PCDH15: variants seen among roughly 807,000 people sequenced by gnomAD.
The protein encoded by PCDH15 is protocadherin-15.
In PCDH15, 129 loss-of-function variants were observed where a neutral mutation model predicts 178.5. That is an observed-to-expected ratio of 0.72 (90% CI 0.63 to 0.84). The LOEUF (loss-of-function observed/expected upper bound fraction) is 0.84. Among genes scored for constraint, PCDH15 ranks in the 40% least tolerant of loss-of-function variants. The probability of loss-of-function intolerance (pLI) is 0.00; values close to 1 mark genes in which losing one functional copy is unlikely to be tolerated. For missense variants in PCDH15, 2,230 were observed against 2,099.9 expected, an observed-to-expected ratio of 1.06 and a Z score of -1.21; for synonymous variants, 800 against 732.0, an observed-to-expected ratio of 1.09 and a Z score of -1.50.
chr10:54,376,704 C>A (rs1589111616), intron 4 of PCDH15, among the ~76,000 whole-genome samples: 1 of 151,732 alleles, frequency 6.6e-6, no homozygotes, highest in East Asian at 1.9e-4. Flanking sequence ...CAAATATTTA[C>A]ATAATATTAT....
At chr10:54,479,735 C>A (rs1327750615) in intron 3 of PCDH15, among the ~76,000 whole-genome samples, 1 of 151,680 alleles carries the variant, frequency 6.6e-6, no homozygotes, top group African/African-American at 2.4e-5. Context: ...CGTTTCTGAA[C>A]AAAAATATCT....
chr10:55,402,274 C>T (rs1289211885), intron 2 of PCDH15, among the ~76,000 whole-genome samples: 2 of 151,950 alleles, frequency 1.3e-5, no homozygotes, highest in South Asian at 2.1e-4. Context: ...TTATGGGGTA[C>T]ATATATTTTG....
At chr10:54,693,191 G>T (rs2095159861) in intron 1 of PCDH15, among the ~76,000 whole-genome samples, 1 of 151,922 alleles carries the variant, frequency 6.6e-6, no homozygotes, top group African/African-American at 2.4e-5. Context: ...TTCTTAGGAT[G>T]ATATTTCTCC....
intron 2 of PCDH15, among the ~76,000 whole-genome samples, chr10:55,432,508 A>G (rs1156250743): frequency 1.4e-4 from 22 of 152,194 alleles, no homozygotes; most frequent in Admixed American, 1.4e-3. Context: ...TTTGGAGACT[A>G]TTACAAATAT....
At chr10:54,461,172 T>C (rs1565335603) in intron 3 of PCDH15, among the ~76,000 whole-genome samples, 1 of 152,094 alleles carries the variant, frequency 6.6e-6, no homozygotes, top group Non-Finnish European at 1.5e-5. Context: ...TTCTCTTAAG[T>C]GAATAATAAA....
intron 18 of PCDH15, among the ~76,000 whole-genome samples, chr10:54,025,543 G>A (rs955079927): frequency 6.6e-6 from 1 of 150,466 alleles, no homozygotes; most frequent in African/African-American, 2.5e-5. Flanking sequence ...CTGTTGCCCA[G>A]GCTGGAGTGC....
intron 25 of PCDH15, among the ~76,000 whole-genome samples, chr10:53,915,772 C>A (rs1295005744): frequency 2.0e-5 from 3 of 152,230 alleles, no homozygotes; most frequent in East Asian, 3.9e-4. Flanking sequence ...GTTGTCCAGG[C>A]TGGTCTCAAA....
intron 26 of PCDH15, among the ~76,000 whole-genome samples, chr10:53,902,194 C>T (rs1380888676): frequency 6.6e-6 from 1 of 152,104 alleles, no homozygotes; most frequent in Non-Finnish European, 1.5e-5. Flanking sequence ...GATTTGTGGA[C>T]TACTTTTAGT....
intron 1 of PCDH15, among the ~76,000 whole-genome samples, chr10:54,769,974 C>T (rs1247968106): frequency 6.6e-6 from 1 of 152,096 alleles, no homozygotes; most frequent in Non-Finnish European, 1.5e-5. Context: ...ACATATGTAT[C>T]TATTTACATT....
intron 3 of PCDH15, among the ~76,000 whole-genome samples, chr10:54,883,875 T>C (rs1056801579): frequency 1.3e-5 from 2 of 152,032 alleles, no homozygotes; most frequent in Non-Finnish European, 2.9e-5. Flanking sequence ...ATTGGTTTTG[T>C]TGTGTGATAA....
intron 26 of PCDH15, among the ~76,000 whole-genome samples, chr10:53,875,926 T>A (rs2080196033): frequency 1.3e-5 from 2 of 152,160 alleles, no homozygotes; most frequent in Admixed American, 6.5e-5. Context: ...TAATTAGTGA[T>A]GTCCTAAGAA....
chr10:54,189,696 T>C (rs970859339), intron 11 of PCDH15, among the ~76,000 whole-genome samples: 10 of 152,078 alleles, frequency 6.6e-5, no homozygotes, highest in Admixed American at 3.9e-4. Flanking sequence ...AAATGAGTAA[T>C]CTTTATTGAT....
rs372999067 is a variant in PCDH15, at chr10:54,317,437, C to A, written c.710G>T (p.Arg237Leu). 2 of 1,613,518 alleles carry A rather than the reference C, an allele frequency of 1.2e-6. No individual in the cohort carries two copies. The highest frequency in any genetic ancestry group is 1.3e-5 in the African/African-American group (1 of 74,824). ...RYFVIIQAND[R>L]AQNLNERRTT... ...TCGCCTCTCATTCAGATTTTGGGCA[C>A]GGTCCTGTTAGGGAGAAAAACAAAC... Residue 237 changes from arginine to leucine, a missense_variant, in exon 8 of 38, where the codon CGT (arginine) becomes CTT (leucine). Coordinates refer to ENST00000644397, the MANE Select transcript of PCDH15 (RefSeq NM_001384140.1).
rs182804463 is a variant in PCDH15 at position 55,287,387 on chromosome 10, T to C, written c.-156+32212A>G. Among the ~76,000 whole-genome samples the C allele has an allele frequency of 4.8e-3, 725 of 152,214 alleles. 8 individuals carry two copies. The highest frequency in any genetic ancestry group is 0.016 in the African/African-American group (686 of 41,576). On this transcript the variant is annotated intron_variant, in intron 1 of 5. Transcript: ENST00000458638. ...TAATGAATAAATCATTAAACTTATA[T>C]GAGTTGGTAACCTAGCCAATACGAT...
At chr10:54,266,459 GA>G (rs1311723755) in intron 8 of PCDH15, among the ~76,000 whole-genome samples, 2 of 151,300 alleles carry the variant, frequency 1.3e-5, no homozygotes, top group Non-Finnish European at 3.0e-5. Context: ...ACAAAAATAA[GA>G]ACAGGACTGA....
chr10:55,470,726 G>C (rs925050260), intron 2 of PCDH15, among the ~76,000 whole-genome samples: 3 of 151,970 alleles, frequency 2.0e-5, no homozygotes, highest in Non-Finnish European at 4.4e-5. Context: ...TTATGGGTTT[G>C]GGCAAATGTA....
intron 1 of PCDH15, among the ~76,000 whole-genome samples, chr10:54,697,499 G>T (rs1269234120): frequency 7.0e-6 from 1 of 142,794 alleles, no homozygotes; most frequent in Non-Finnish European, 1.5e-5. Flanking sequence ...ATATCGCTAT[G>T]CTTATTGAAA....
At chr10:54,423,884 A>T (rs1458769070) in intron 3 of PCDH15, among the ~76,000 whole-genome samples, 1 of 151,920 alleles carries the variant, frequency 6.6e-6, no homozygotes, top group East Asian at 1.9e-4. Context: ...TAAAGACTTA[A>T]ATGTTAGACC....
At chr10:54,566,321 T>C (rs1476039177) in intron 2 of PCDH15, among the ~76,000 whole-genome samples, 2 of 152,150 alleles carry the variant, frequency 1.3e-5, no homozygotes, top group Non-Finnish European at 2.9e-5. Flanking sequence ...TTACAGTTGA[T>C]GAAACTTCAT....
Sources: gnomAD v4.1 joint callset for allele counts (sites outside exome capture counted in the v4.1 genomes callset) on GRCh38, gnomAD v4.1.1 for gene constraint, MANE v1.5 for transcripts, NCBI Gene and HGNC (gene_info 2026-07-23, HGNC 2026-07-21) for gene names.